Variants in CHD6 observed in about 807,000 individuals in gnomAD.
CHD6 encodes the protein ATP-dependent chromatin remodeler CHD6.
Under a neutral mutation model 276.9 loss-of-function variants are expected in CHD6, and 50 were observed. That is an observed-to-expected ratio of 0.18 (90% confidence interval 0.14 to 0.23). The LOEUF (loss-of-function observed/expected upper bound fraction) is 0.23. CHD6 is among the 10% of genes least tolerant of loss of function. CHD6 has a pLI of 1.00. For missense variants in CHD6, 2,564 were observed against 3,365.8 expected, an observed-to-expected ratio of 0.76 and a Z score of 5.89; for synonymous variants, 1,173 against 1,229.3, an observed-to-expected ratio of 0.95 and a Z score of 0.96.
chr20:41,469,018 T>G (rs2042992981), intron 17 of CHD6, among the ~76,000 whole-genome samples: 1 of 151,774 alleles, frequency 6.6e-6, no homozygotes, highest in Non-Finnish European at 1.5e-5. Context: ...AGGTAAGAAA[T>G]AGGGGGTGCA....
chr20:41,565,822 T>A lies in CHD6; in HGVS notation c.-23-14462A>T, dbSNP rs976105451. On this transcript the variant is annotated intron_variant, in intron 1 of 36. Transcript: ENST00000373233. The stretch of plus-strand genomic sequence containing the variant: ...AAGGTATTCTACAAATACAACAGTC[T>A]AGAAGTGCAGCAGTAAAGATGAAAT... 2.0e-4 allele frequency among the ~76,000 whole-genome samples: 30 copies of A among 152,280 alleles called. 1 individual carries two copies. Among genetic ancestry groups the A allele is most frequent in the African/African-American group, 7.2e-4 (30 of 41,552 alleles).
intron 23 of CHD6, among the ~76,000 whole-genome samples, chr20:41,449,833 G>C (rs1428074150): frequency 6.6e-6 from 1 of 151,986 alleles, no homozygotes. Context: ...AAGTCCCCTT[G>C]GTATTCCCTT....
At position 41,473,570 on chromosome 20, in the gene CHD6, A is replaced by G; in HGVS notation, c.2469-53T>C. 2 of 1,450,428 alleles carry G rather than the reference A, an allele frequency of 1.4e-6. No homozygotes were observed. Among genetic ancestry groups the G allele is most frequent in the Non-Finnish European group, 1.9e-6 (2 of 1,038,946 alleles). 89.8% of individuals were successfully genotyped at this position (1,450,428 alleles called of 1,614,324 possible). On this transcript the variant is annotated intron_variant, in intron 16 of 36. Coordinates refer to ENST00000373233, the MANE Select transcript of CHD6 (RefSeq NM_032221.5). The surrounding 1 kb of genome is among the most constrained non-coding windows in gnomAD (Gnocchi z 4.1). ...CAGGCGTTAATCATGACTTCAATGG[A>G]GAACAGCACAAAATGCAGGAAGCTG...
intron 1 of CHD6, among the ~76,000 whole-genome samples, chr20:41,603,478 T>C (rs1445604019): frequency 6.6e-6 from 1 of 152,250 alleles, no homozygotes; most frequent in African/African-American, 2.4e-5. Context: ...AGTCAGGAGC[T>C]GGCCTAAGGT....
chr20:41,460,665 T>TA (rs2145714208), intron 17 of CHD6, among the ~76,000 whole-genome samples: 1 of 152,296 alleles, frequency 6.6e-6, no homozygotes, highest in South Asian at 2.1e-4. Flanking sequence ...AACCTCCACT[T>TA]AAATTTTAGA....
chr20:41,612,112 T>C (rs2045893289), intron 1 of CHD6, among the ~76,000 whole-genome samples: 1 of 152,246 alleles, frequency 6.6e-6, no homozygotes, highest in African/African-American at 2.4e-5. Flanking sequence ...AATTATAAAC[T>C]GTTTTTATAA....
At chr20:41,534,894 A>G (rs2044791625) in intron 2 of CHD6, among the ~76,000 whole-genome samples, 1 of 152,174 alleles carries the variant, frequency 6.6e-6, no homozygotes. Context: ...GGCAAGAAGA[A>G]ATCCAGCAGT....
chr20:41,402,291 CA>C lies in CHD6; in HGVS notation c.*2301del, dbSNP rs2046558579. 1 of 225,004 alleles carries C rather than the reference CA, an allele frequency of 4.4e-6. No homozygotes were observed. Among genetic ancestry groups the C allele is most frequent in the Admixed American group, 5.7e-5 (1 of 17,520 alleles). 13.9% of individuals were successfully genotyped at this position (225,004 alleles called of 1,614,324 possible). A position where few individuals can be genotyped will look rare whatever the true frequency, so the allele number is the denominator to read the frequency against. On this transcript the variant is annotated 3_prime_UTR_variant, in exon 37 of 37. Coordinates refer to ENST00000373233, the MANE Select transcript of CHD6 (RefSeq NM_032221.5). ...AATCATAAGAAGCACTTGTGCCTTA[CA>C]GAGCAAATAATCCACAGAGTGTCAT... is the stretch of plus-strand genomic sequence containing the variant.
At position 41,514,796 on chromosome 20, in the gene CHD6, C is replaced by T; in HGVS notation, c.702+9G>A. 1 of 1,613,480 alleles carries T rather than the reference C, an allele frequency of 6.2e-7. No individual in the cohort carries two copies. Among genetic ancestry groups the T allele is most frequent in the South Asian group, 1.1e-5 (1 of 90,954 alleles). ...TAATCTCCACCAGGCCTCCCGGTCA[C>T]AGCTGTACCTGGCTGTCTGTAGACT... On this transcript the variant is annotated intron_variant, in intron 4 of 36. Transcript: ENST00000373233.
intron 33 of CHD6, 122 bp downstream of exon 33, chr20:41,416,466 G>T: frequency 1.2e-6 from 1 of 836,104 alleles, no homozygotes; most frequent in Non-Finnish European, 1.9e-6. Flanking sequence ...CAACACTAAT[G>T]GCTTGGCAAA....
chr20:41,471,503 T>C (rs1184860033), intron 17 of CHD6, among the ~76,000 whole-genome samples: 8 of 151,980 alleles, frequency 5.3e-5, no homozygotes, highest in Admixed American at 5.2e-4. Flanking sequence ...ATGTTGAACA[T>C]AGTTTACTTT....
chr20:41,551,617 T>C (rs2045148257), intron 1 of CHD6, among the ~76,000 whole-genome samples: 1 of 152,332 alleles, frequency 6.6e-6, no homozygotes, highest in Non-Finnish European at 1.5e-5. Context: ...TAAAAGATGT[T>C]GGCATGTATG....
At chr20:41,507,498 C>T (rs1360551169) in intron 5 of CHD6, among the ~76,000 whole-genome samples, 3 of 151,220 alleles carry the variant, frequency 2.0e-5, no homozygotes, top group Non-Finnish European at 2.9e-5. Context: ...CCTAATGAAA[C>T]GAAAAGGGAG....
chr20:41,571,389 ATTT>A (rs11373605), intron 1 of CHD6, among the ~76,000 whole-genome samples: 4 of 129,952 alleles, frequency 3.1e-5, no homozygotes, highest in Admixed American at 7.7e-5. Context: ...CTGGCCATTA[ATTT>A]TTTTTTTTTT....
At position 41,484,622 on chromosome 20, in the gene CHD6, G is replaced by A; in HGVS notation, c.2002-15C>T. On this transcript the variant is annotated splice_polypyrimidine_tract_variant and intron_variant, in intron 14 of 36. Transcript: ENST00000373233. The stretch of plus-strand genomic sequence containing the variant: ...AGTTTCTTTACCTGTCCAGGGAAAT[G>A]AGACCTAGTTACCTGCCTCAATCCC... The A allele has an allele frequency of 7.4e-6, 12 of 1,613,198 alleles. No individual in the cohort carries two copies. Among genetic ancestry groups the A allele is most frequent in the Middle Eastern group, 1.7e-4 (1 of 6,052 alleles).
rs551615123 is a variant in CHD6, at chr20:41,560,857, C to A, written c.-23-9497G>T. Among the ~76,000 whole-genome samples the A allele has an allele frequency of 8.2e-4, 124 of 151,872 alleles. 1 individual carries two copies. Among genetic ancestry groups the A allele is most frequent in the African/African-American group, 2.8e-3 (114 of 41,454 alleles). ...AACAAATAAAAAAAAAAACAGTCCC[C>A]GATTCTACTCCCCACTCCTGATTCA... On this transcript the variant is annotated intron_variant, in intron 1 of 36. Coordinates refer to ENST00000373233, the MANE Select transcript of CHD6 (RefSeq NM_032221.5).
intron 17 of CHD6, among the ~76,000 whole-genome samples, chr20:41,461,400 T>G (rs2048543036): frequency 6.6e-6 from 1 of 152,120 alleles, no homozygotes. Flanking sequence ...CTCCCAGAAT[T>G]CCCACACTGT....
chr20:41,479,907 A>G (rs1004391952), intron 16 of CHD6, among the ~76,000 whole-genome samples: 1 of 152,160 alleles, frequency 6.6e-6, no homozygotes, highest in African/African-American at 2.4e-5. Context: ...CAAACATAAC[A>G]CATACACAGA....
Position 41,498,747 on chromosome 20 carries a change from G to A in CHD6, c.916-521C>T, listed in dbSNP as rs535129872. Among the ~76,000 whole-genome samples the A allele has an allele frequency of 3.0e-4, 45 of 151,738 alleles. No individual in the cohort carries two copies. The South Asian group carries it at 9.4e-3, about 32-fold the overall frequency. The stretch of plus-strand genomic sequence containing the variant: ...GATGTCTGAAGAAAAAAACCCCCAC[G>A]TTTCCATTAGGACTCATATGGGTGT... On this transcript the variant is annotated intron_variant, in intron 6 of 36. Coordinates refer to ENST00000373233, the MANE Select transcript of CHD6 (RefSeq NM_032221.5).
Sources: gnomAD v4.1 joint callset for allele counts (sites outside exome capture counted in the v4.1 genomes callset) on GRCh38, gnomAD v4.1.1 for gene constraint, Gnocchi (gnomAD v3.1) non-coding constraint, MANE v1.5 for transcripts, NCBI Gene and HGNC (gene_info 2026-07-23, HGNC 2026-07-21) for gene names.